Variants in GPAT3 observed in about 807,000 individuals in gnomAD.
GPAT3 encodes the protein glycerol-3-phosphate acyltransferase 3.
Under a neutral mutation model 58.8 loss-of-function variants are expected in GPAT3, and 53 were observed. The observed-to-expected ratio is 0.90, with a 90% CI of 0.72 to 1.13. GPAT3 has a LOEUF of 1.13. GPAT3 is among the 50% of genes most tolerant of loss of function. The pLI, the probability that GPAT3 is intolerant of heterozygous loss-of-function variation, is 0.00. For missense variants in GPAT3, 511 were observed against 527.6 expected, an observed-to-expected ratio of 0.97 and a Z score of 0.31; for synonymous variants, 197 against 187.4, an observed-to-expected ratio of 1.05 and a Z score of -0.42.
intron 1 of GPAT3, among the ~76,000 whole-genome samples, chr4:83,541,275 G>C (rs2110068701): frequency 6.6e-6 from 1 of 151,476 alleles, no homozygotes; most frequent in East Asian, 1.9e-4. Context: ...CTGTCACCTA[G>C]CCTGGAGTGC....
chr4:83,539,280 G>A (rs1318469071), intron 1 of GPAT3, among the ~76,000 whole-genome samples: 5 of 152,176 alleles, frequency 3.3e-5, no homozygotes. Context: ...CCTAGCCCTT[G>A]TATCACTCCT....
At chr4:83,563,835 G>C (rs1171867282) in intron 2 of GPAT3, among the ~76,000 whole-genome samples, 1 of 152,130 alleles carries the variant, frequency 6.6e-6, no homozygotes, top group African/African-American at 2.4e-5. Context: ...CCTATAAACA[G>C]TATTCTGAGC....
chr4:83,570,407 A>G (rs1235656776), intron 2 of GPAT3, among the ~76,000 whole-genome samples: 1 of 152,100 alleles, frequency 6.6e-6, no homozygotes, highest in Non-Finnish European at 1.5e-5. Context: ...TTTAAAATAT[A>G]CATGGGAAGA....
chr4:83,544,431 C>A, intron 1 of GPAT3, 105 bp from the exon 2 acceptor site: 2 of 1,145,806 alleles, frequency 1.7e-6, no homozygotes, highest in Non-Finnish European at 2.6e-6. Context: ...AGTTCAGACA[C>A]TGCCAGAGCT....
rs148178024 is a variant in GPAT3, at chr4:83,596,913, G to A, written c.910G>A (p.Gly304Arg). ...ACTACCCATACTAATTTTTCCTGAAGGTAAGAATGGGCCTGCCTCCCGAGC... is the reference window on the plus strand; with the variant it reads ...ACTACCCATACTAATTTTTCCTGAAAGTAAGAATGGGCCTGCCTCCCGAGC... The part of the protein sequence containing the change: ...KKLPILIFPE[G>R]TCINNTSVMM... The change falls in exon 8 of 12, where the codon GGA (glycine) becomes AGA (arginine). Residue 304 changes from glycine to arginine, a missense_variant and splice_region_variant. Physicochemically the swap from Gly to Arg is moderately radical, Grantham distance 125 (BLOSUM62 -2). Coordinates refer to ENST00000264409, the MANE Select transcript of GPAT3 (RefSeq NM_032717.5). 2.5e-6 allele frequency: 4 copies of A among 1,601,124 alleles called. No homozygotes were observed. The South Asian group carries it at 4.5e-5, about 18-fold the overall frequency.
chr4:83,556,989 C>G (rs6812240), intron 2 of GPAT3, among the ~76,000 whole-genome samples: 37,775 of 152,026 alleles, frequency 0.25, 4,934 homozygotes, highest in East Asian at 0.31. Flanking sequence ...CACATGATGA[C>G]AGGAGTGAGG....
In GPAT3 at chr4:83,579,017, C is replaced by CCTTTCTTTCTTT. The variant is rs756095198; in HGVS notation, c.209-2493_209-2482dup. 7.5e-4 allele frequency among the ~76,000 whole-genome samples: 35 copies of CCTTTCTTTCTTT among 46,522 alleles called. 2 individuals are homozygous for CCTTTCTTTCTTT. Among genetic ancestry groups the CCTTTCTTTCTTT allele is most frequent in the Non-Finnish European group, 1.3e-3 (31 of 24,784 alleles). The allele number at this position is 46,522 out of a possible 152,430, so 30.5% of individuals were successfully genotyped here. ...CCTTCCTTCCTTCCTTCCTTCTTTCCCTTTCTTTCTTTCTTTCTTTCTTTC... is the reference window on the plus strand; with the variant it reads ...CCTTCCTTCCTTCCTTCCTTCTTTCCCTTTCTTTCTTTCTTTCTTTCTTTCTTTCTTTCTTTC... On this transcript the variant is annotated intron_variant, in intron 2 of 11. Coordinates refer to ENST00000264409, the MANE Select transcript of GPAT3 (RefSeq NM_032717.5).
chr4:83,544,399 G>A, intron 1 of GPAT3, 137 bp from the exon 2 acceptor site: 1 of 831,378 alleles, frequency 1.2e-6, no homozygotes. Context: ...CTATATCAGA[G>A]ATTCCCTGGG....
At chr4:83,603,197 T>TA (rs1472877451) in intron 11 of GPAT3, among the ~76,000 whole-genome samples, 9 of 152,246 alleles carry the variant, frequency 5.9e-5, no homozygotes, top group Non-Finnish European at 1.0e-4. Context: ...TCCTAGCAGT[T>TA]AAAATCTAAA....
intron 2 of GPAT3, among the ~76,000 whole-genome samples, chr4:83,578,543 A>G (rs1560620088): frequency 6.6e-6 from 1 of 152,260 alleles, no homozygotes; most frequent in East Asian, 1.9e-4. Context: ...GCCCCTCTGA[A>G]AAAGGTTATT....
chr4:83,579,903 C>T (rs1726043155), intron 2 of GPAT3, among the ~76,000 whole-genome samples: 1 of 152,212 alleles, frequency 6.6e-6, no homozygotes, highest in Admixed American at 6.5e-5. Flanking sequence ...GGTAATACAG[C>T]ACTGTCCATT....
intron 7 of GPAT3, 93 bp from the exon 8 acceptor site, chr4:83,596,765 C>T: frequency 1.1e-6 from 1 of 941,508 alleles, no homozygotes. Flanking sequence ...CTTATTGCTT[C>T]ACAATTGTGC....
At chr4:83,587,379 A>T in intron 4 of GPAT3, 50 bp downstream of exon 4, 1 of 1,443,352 alleles carries the variant, frequency 6.9e-7, no homozygotes. Flanking sequence ...CTTTTTTCTT[A>T]GCTGTGTCCA....
At chr4:83,566,176 A>C (rs1725373792) in intron 2 of GPAT3, among the ~76,000 whole-genome samples, 1 of 152,096 alleles carries the variant, frequency 6.6e-6, no homozygotes, top group Non-Finnish European at 1.5e-5. Flanking sequence ...AGACCAACTC[A>C]TCTGGCATCC....
chr4:83,601,855 C>T (rs1002631217), intron 11 of GPAT3, among the ~76,000 whole-genome samples: 3 of 152,202 alleles, frequency 2.0e-5, no homozygotes, highest in Admixed American at 1.3e-4. Context: ...CCATTAGTGG[C>T]ATCTCTGAAA....
chr4:83,588,163 T>C (rs1274072152), intron 4 of GPAT3, 47 bp from the exon 5 acceptor site: 1 of 1,550,040 alleles, frequency 6.5e-7, no homozygotes, highest in Non-Finnish European at 8.9e-7. Context: ...ATATTGTTTC[T>C]TAAGAGTGCC....
At chr4:83,586,381 G>T (rs915449353) in intron 3 of GPAT3, among the ~76,000 whole-genome samples, 5 of 152,140 alleles carry the variant, frequency 3.3e-5, no homozygotes, top group Admixed American at 6.5e-5. Context: ...TGCAGGGGTG[G>T]TCCCCTTCAG....
chr4:83,596,122 C>A (rs1256615250), intron 7 of GPAT3, among the ~76,000 whole-genome samples: 2 of 152,124 alleles, frequency 1.3e-5, no homozygotes, highest in Non-Finnish European at 2.9e-5. Context: ...GAAAGTTCAA[C>A]CTGAATCATT....
intron 2 of GPAT3, among the ~76,000 whole-genome samples, chr4:83,567,422 G>A (rs1162141016): frequency 6.6e-6 from 1 of 152,150 alleles, no homozygotes; most frequent in African/African-American, 2.4e-5. Context: ...TAGACCCATT[G>A]TAGTGAATTT....
Sources: gnomAD v4.1 joint callset for allele counts (sites outside exome capture counted in the v4.1 genomes callset) on GRCh38, gnomAD v4.1.1 for gene constraint, MANE v1.5 for transcripts, NCBI Gene and HGNC (gene_info 2026-07-23, HGNC 2026-07-21) for gene names.